WWOX: variants seen among roughly 807,000 people sequenced by gnomAD.
WWOX encodes WW domain-containing oxidoreductase.
WWOX carries 69 observed loss-of-function variants against 46.2 expected under a neutral mutation model. The observed-to-expected ratio is 1.49, with a 90% confidence interval of 1.23 to 1.82. The LOEUF (loss-of-function observed/expected upper bound fraction) is 1.82. WWOX is among the 40% of genes most tolerant of loss of function. The pLI, the probability that WWOX is intolerant of heterozygous loss-of-function variation, is 0.00. For synonymous variants in WWOX, 359 were observed against 202.6 expected, an observed-to-expected ratio of 1.77 and a Z score of -6.56; for missense variants, 919 against 542.6, an observed-to-expected ratio of 1.69 and a Z score of -6.89.
At chr16:78,846,491 C>A (rs371178162) in intron 8 of WWOX, among the ~76,000 whole-genome samples, 1 of 151,922 alleles carries the variant, frequency 6.6e-6, no homozygotes, top group Non-Finnish European at 1.5e-5. Context: ...GTAGAATGCC[C>A]GTAATTTGGG....
chr16:78,261,819 C>CAG (rs2079249264), intron 5 of WWOX, among the ~76,000 whole-genome samples: 2 of 123,170 alleles, frequency 1.6e-5, no homozygotes, highest in African/African-American at 6.3e-5. Flanking sequence ...TATATATATA[C>CAG]TTATAATGTG....
intron 5 of WWOX, among the ~76,000 whole-genome samples, chr16:78,379,084 A>G (rs2081895804): frequency 6.6e-6 from 1 of 152,194 alleles, no homozygotes; most frequent in Non-Finnish European, 1.5e-5. Flanking sequence ...TCTCATCTGT[A>G]AAATGGGGAA....
intron 8 of WWOX, among the ~76,000 whole-genome samples, chr16:79,187,707 A>T (rs1442376038): frequency 6.7e-6 from 1 of 149,882 alleles, no homozygotes; most frequent in Middle Eastern, 3.2e-3. Flanking sequence ...ATGCCTGGCT[A>T]ATTTTTGTAT....
At chr16:78,282,431 G>T (rs1251449413) in intron 5 of WWOX, among the ~76,000 whole-genome samples, 1 of 152,276 alleles carries the variant, frequency 6.6e-6, no homozygotes, top group Admixed American at 6.5e-5. Flanking sequence ...TTTGTAAATT[G>T]CACTGCATTA....
At chr16:78,321,208 A>C (rs1217293830) in intron 5 of WWOX, among the ~76,000 whole-genome samples, 1 of 151,566 alleles carries the variant, frequency 6.6e-6, no homozygotes, top group Non-Finnish European at 1.5e-5. Context: ...TTAGAAGCTG[A>C]GTACCACCCA....
intron 8 of WWOX, among the ~76,000 whole-genome samples, chr16:78,541,499 A>G (rs2043894058): frequency 6.7e-6 from 1 of 150,324 alleles, no homozygotes; most frequent in African/African-American, 2.4e-5. Context: ...AAAAAAAAAA[A>G]AAAAAAAGAC....
chr16:78,330,332 A>G (rs1192733090), intron 5 of WWOX, among the ~76,000 whole-genome samples: 2 of 152,224 alleles, frequency 1.3e-5, no homozygotes, highest in African/African-American at 2.4e-5. Flanking sequence ...AATATTTCCA[A>G]CAAGCCAAAG....
chr16:78,657,171 G>A (rs889313555), intron 8 of WWOX, among the ~76,000 whole-genome samples: 2 of 152,110 alleles, frequency 1.3e-5, no homozygotes, highest in East Asian at 1.9e-4. Flanking sequence ...GCTCATCACT[G>A]AGGTTTGTCA....
rs1319998265 is a variant in WWOX at position 78,597,492 on chromosome 16, C to T, written c.1056+164740C>T. 3.3e-5 allele frequency among the ~76,000 whole-genome samples: 5 copies of T among 152,252 alleles called. No individual in the cohort carries two copies. The East Asian group carries it at 5.8e-4, about 18-fold the overall frequency. On this transcript the variant is annotated intron_variant, in intron 8 of 8. Transcript: ENST00000566780. ...TGGTCCACCATTAAGCATTTGTGGC[C>T]GCCCACCCCACAATATGCTTTGCTT...
chr16:78,858,398 A>G (rs2052620055), intron 8 of WWOX, among the ~76,000 whole-genome samples: 1 of 152,078 alleles, frequency 6.6e-6, no homozygotes, highest in African/African-American at 2.4e-5. Flanking sequence ...CTGTATATGT[A>G]TAATGGCTGT....
chr16:78,163,428 G>T (rs536913375), intron 4 of WWOX, among the ~76,000 whole-genome samples: 1 of 152,294 alleles, frequency 6.6e-6, no homozygotes, highest in South Asian at 2.1e-4. Flanking sequence ...TTCCTGGTGG[G>T]TCCTGAGCTC....
chr16:79,164,556 G>T (rs1449797597), intron 8 of WWOX, among the ~76,000 whole-genome samples: 1 of 152,132 alleles, frequency 6.6e-6, no homozygotes, highest in African/African-American at 2.4e-5. Flanking sequence ...CAAGTGACAG[G>T]CGTCCAGAGC....
chr16:78,534,668 T>G (rs2043713943), intron 8 of WWOX: 1 of 152,174 alleles, frequency 6.6e-6, no homozygotes, highest in Non-Finnish European at 1.5e-5. Context: ...ACTACATGTT[T>G]TGGGGGAATG....
At chr16:78,566,992 A>G (rs1375911221) in intron 8 of WWOX, among the ~76,000 whole-genome samples, 1 of 152,194 alleles carries the variant, frequency 6.6e-6, no homozygotes, top group Non-Finnish European at 1.5e-5. Context: ...AGAAACTCAC[A>G]TGTGTGTGCT....
At chr16:79,045,780 C>CTTTCTTTTT (rs2048053509) in intron 8 of WWOX, among the ~76,000 whole-genome samples, 1 of 54,226 alleles carries the variant, frequency 1.8e-5, no homozygotes, top group African/African-American at 5.4e-5. Context: ...TTTTCTTTTC[C>CTTTCTTTTT]TTTTTTTTTT....
At chr16:79,070,193 A>G (rs1240052687) in intron 8 of WWOX, among the ~76,000 whole-genome samples, 4 of 151,956 alleles carry the variant, frequency 2.6e-5, no homozygotes, top group Admixed American at 6.6e-5. Context: ...TGTTTATAAA[A>G]CTTGTAAATG....
At chr16:78,240,795 A>G (rs2037619120) in intron 5 of WWOX, among the ~76,000 whole-genome samples, 1 of 152,198 alleles carries the variant, frequency 6.6e-6, no homozygotes, top group Admixed American at 6.5e-5. Context: ...AGGTGCAAGG[A>G]TCTATATAAG....
At chr16:78,144,969 C>A (rs1319569867) in intron 4 of WWOX, among the ~76,000 whole-genome samples, 3 of 152,150 alleles carry the variant, frequency 2.0e-5, no homozygotes, top group African/African-American at 7.2e-5. Context: ...TATTATTCCC[C>A]TTTCACAGAT....
chr16:78,368,271 G>A (rs893853058), intron 5 of WWOX, among the ~76,000 whole-genome samples: 5 of 152,178 alleles, frequency 3.3e-5, no homozygotes, highest in Non-Finnish European at 5.9e-5. Flanking sequence ...TTATATGGAG[G>A]AGAAAGTTGT....
Sources: gnomAD v4.1 joint callset for allele counts (sites outside exome capture counted in the v4.1 genomes callset) on GRCh38, gnomAD v4.1.1 for gene constraint, MANE v1.5 for transcripts, NCBI Gene and HGNC (gene_info 2026-07-23, HGNC 2026-07-21) for gene names.